Variants in BRWD3 observed in about 807,000 individuals in gnomAD.
The protein encoded by BRWD3 is bromodomain and WD repeat domain containing 3.
Under a neutral mutation model 149.7 loss-of-function variants are expected in BRWD3, and 10 were observed. The observed-to-expected ratio is 0.07, with a 90% CI of 0.04 to 0.11. The LOEUF is 0.11. BRWD3 is among the 10% of genes least tolerant of loss of function. BRWD3 has a pLI of 1.00. For synonymous variants in BRWD3, 504 were observed against 456.7 expected (o/e 1.10, Z -1.32); for missense variants, 940 against 1,373.2 (o/e 0.68, Z 4.99).
intron 20 of BRWD3, among the ~76,000 whole-genome samples, chrX:80,713,767 C>G (rs1009364584): frequency 8.9e-6 from 1 of 112,335 alleles, no homozygotes; most frequent in African/African-American, 3.2e-5. Context: ...TCAAAACAAT[C>G]TACATACAAA....
chrX:80,730,669 T>C (rs1258012131), intron 12 of BRWD3, among the ~76,000 whole-genome samples: 4 of 111,780 alleles, frequency 3.6e-5, no homozygotes, highest in East Asian at 2.8e-4. Flanking sequence ...TTTTATGTCA[T>C]GTAAATTATA....
At chrX:80,789,408 C>CTCTG (rs886208809) in intron 6 of BRWD3, among the ~76,000 whole-genome samples, 2 of 111,471 alleles carry the variant, frequency 1.8e-5, no homozygotes, top group African/African-American at 6.5e-5. Flanking sequence ...CGGAGTCTCG[C>CTCTG]TCTGTCGCCC....
chrX:80,773,347 T>G (rs761326415), intron 6 of BRWD3, among the ~76,000 whole-genome samples: 14 of 111,528 alleles, frequency 1.3e-4, no homozygotes, highest in African/African-American at 3.9e-4. Flanking sequence ...TTTAGCCTTA[T>G]GCCCACCTCT....
At chrX:80,741,252 T>C (rs2073493317) in intron 8 of BRWD3, among the ~76,000 whole-genome samples, 1 of 112,230 alleles carries the variant, frequency 8.9e-6, no homozygotes, top group Non-Finnish European at 1.9e-5. Context: ...TCACTTTGTA[T>C]GGCTGCATAG....
intron 8 of BRWD3, among the ~76,000 whole-genome samples, chrX:80,741,283 C>A (rs1055540997): frequency 2.7e-5 from 3 of 111,969 alleles, no homozygotes; most frequent in Non-Finnish European, 5.6e-5. Flanking sequence ...TGTATATGTG[C>A]CACATTTTCT....
At position 80,723,844 on chromosome X, in the gene BRWD3, A is replaced by G; in HGVS notation, c.1554T>C (p.Asp518=). ...GGTTTCCATCTGGTGAAAATTTACA[A>G]TCAAACACCGCACCATGGCCTTGGC... The part of the protein sequence containing the change: ...IEGQGHGAVF[D]CKFSPDGNHF... Residue 518 remains aspartate (D), a synonymous_variant, in exon 16 of 41, where the codon GAT becomes GAC. Coordinates refer to ENST00000373275, the MANE Select transcript of BRWD3 (RefSeq NM_153252.5). 1 of 1,211,182 alleles carries G rather than the reference A, an allele frequency of 8.3e-7. No individual in the cohort carries two copies. Among genetic ancestry groups the G allele is most frequent in the Non-Finnish European group, 1.1e-6 (1 of 894,730 alleles).
rs776263951 is a variant in BRWD3, at chrX:80,750,469, G to A, written c.431-4740C>T. ...ACATACAAATGGCCAATGGATATAC[G>A]AAAAAATGCTCAACATCTCCAGTCA... is the stretch of plus-strand genomic sequence containing the variant. On this transcript the variant is annotated intron_variant, in intron 6 of 40. Coordinates refer to ENST00000373275, the MANE Select transcript of BRWD3 (RefSeq NM_153252.5). Among the ~76,000 whole-genome samples, 11 of 110,971 alleles carry A rather than the reference G, an allele frequency of 9.9e-5. No individual in the cohort carries two copies. In the South Asian group the frequency reaches 3.0e-3, roughly 30 times the overall value.
chrX:80,727,283 A>G (rs754332417), intron 14 of BRWD3, among the ~76,000 whole-genome samples: 17 of 111,448 alleles, frequency 1.5e-4, no homozygotes, highest in Admixed American at 4.8e-4. Context: ...CAGAATTAAA[A>G]GGTATTTTTC....
chrX:80,809,411 AC>A (rs200402115), intron 1 of BRWD3, 29 bp downstream of exon 1: 22 of 1,062,656 alleles, frequency 2.1e-5, no homozygotes, highest in East Asian at 1.6e-4. Flanking sequence ...TTCCCTTAGC[AC>A]CCCCCCACCC....
chrX:80,757,367 G>T (rs939149176), intron 6 of BRWD3, among the ~76,000 whole-genome samples: 3 of 111,941 alleles, frequency 2.7e-5, no homozygotes. Context: ...TTAAGAATTT[G>T]CAACTTATAA....
chrX:80,744,109 C>T lies in BRWD3; in HGVS notation c.736G>A (p.Val246Ile), dbSNP rs778922582. 9 of 1,209,972 alleles carry T rather than the reference C, an allele frequency of 7.4e-6. No individual in the cohort carries two copies. In the Admixed American group the frequency reaches 2.0e-4, roughly 26 times the overall value. Reference protein sequence around the residue: ...LIAAGSCDKVVRVWCLRTCAP... With the variant: ...LIAAGSCDKVIRVWCLRTCAP... ...CAAGTTCGAAGACACCATACTCTTA[C>T]TACCTTATCACAGCTGCCTGCAGCA... Residue 246 changes from valine to isoleucine, a missense_variant, in exon 8 of 41, where the codon GTA (valine) becomes ATA (isoleucine). By Grantham distance (29) the Val-to-Ile change is conservative. Around this residue, in one of 6 missense-constraint regions of BRWD3, gnomAD observed 209 missense variants for 396.8 expected, o/e 0.53. Coordinates refer to ENST00000373275, the MANE Select transcript of BRWD3 (RefSeq NM_153252.5).
chrX:80,764,744 T>C (rs1255705544), intron 6 of BRWD3, among the ~76,000 whole-genome samples: 1 of 110,602 alleles, frequency 9.0e-6, no homozygotes, highest in African/African-American at 3.3e-5. Flanking sequence ...AAAGACAGAC[T>C]AGGAGAAAAT....
intron 12 of BRWD3, among the ~76,000 whole-genome samples, chrX:80,732,644 T>C (rs2073349062): frequency 9.0e-6 from 1 of 110,897 alleles, no homozygotes; most frequent in African/African-American, 3.3e-5. Context: ...AGAAATGATG[T>C]GAGGAAAAGT....
intron 6 of BRWD3, among the ~76,000 whole-genome samples, chrX:80,786,074 C>G (rs2074104723): frequency 8.9e-6 from 1 of 112,123 alleles, no homozygotes; most frequent in Admixed American, 9.5e-5. Flanking sequence ...AGTAAATTAA[C>G]TATCAAATTA....
At chrX:80,756,515 A>AAAG (rs2073740853) in intron 6 of BRWD3, among the ~76,000 whole-genome samples, 3 of 107,550 alleles carry the variant, frequency 2.8e-5, no homozygotes, top group Non-Finnish European at 3.9e-5. Context: ...AAAAAAAAAA[A>AAAG]AAAAAAAAAA....
intron 6 of BRWD3, among the ~76,000 whole-genome samples, chrX:80,771,156 G>A (rs753596744): frequency 1.8e-5 from 2 of 111,606 alleles, no homozygotes; most frequent in East Asian, 5.6e-4. Context: ...AATCAGTATC[G>A]TGAAAATGGC....
At chrX:80,729,866 A>T in intron 13 of BRWD3, 50 bp downstream of exon 13, 1 of 832,480 alleles carries the variant, frequency 1.2e-6, no homozygotes, top group South Asian at 2.1e-5. Flanking sequence ...ATTAAACTCA[A>T]TGTAAAATAT....
chrX:80,808,992 C>G, intron 3 of BRWD3, 21 bp downstream of exon 3: 1 of 1,196,600 alleles, frequency 8.4e-7, no homozygotes, highest in Non-Finnish European at 1.1e-6. Flanking sequence ...CCTCCCCACC[C>G]TTCCCGAAGG....
intron 40 of BRWD3, among the ~76,000 whole-genome samples, chrX:80,679,666 G>C (rs1286171542): frequency 9.0e-6 from 1 of 111,244 alleles, no homozygotes; most frequent in Non-Finnish European, 1.9e-5. Context: ...CTAATCAATA[G>C]AGTATAGAAG....
Sources: allele counts gnomAD v4.1 joint callset (sites outside exome capture counted in the v4.1 genomes callset), GRCh38; gene constraint gnomAD v4.1.1; regional missense constraint gnomAD v4.1.1; transcripts MANE v1.5; gene names NCBI Gene and HGNC (gene_info 2026-07-23, HGNC 2026-07-21).